GRID2: variants seen among roughly 807,000 people sequenced by gnomAD.
GRID2 encodes the protein glutamate receptor ionotropic, delta-2.
Under a neutral mutation model 114.8 loss-of-function variants are expected in GRID2, and 33 were observed. That is an observed-to-expected ratio of 0.29 (90% CI 0.22 to 0.38). The LOEUF (loss-of-function observed/expected upper bound fraction) is 0.38. Among genes scored for constraint, GRID2 ranks in the 10% least tolerant of loss-of-function variants. The pLI is 1.00. For missense variants in GRID2, 1,184 were observed against 1,257.7 expected (o/e 0.94, Z 0.89); for synonymous variants, 505 against 449.9 (o/e 1.12, Z -1.55).
At chr4:92,816,172 G>A (rs572125524) in intron 2 of GRID2, among the ~76,000 whole-genome samples, 5 of 150,876 alleles carry the variant, frequency 3.3e-5, no homozygotes, top group Admixed American at 3.3e-4. Flanking sequence ...AAAATTAGCC[G>A]GGTGTGGTGG....
intron 14 of GRID2, among the ~76,000 whole-genome samples, chr4:93,674,908 G>A (rs886290139): frequency 6.6e-6 from 1 of 151,958 alleles, no homozygotes; most frequent in Non-Finnish European, 1.5e-5. Context: ...CAGAAATACA[G>A]ATAAATAAGT....
intron 1 of GRID2, among the ~76,000 whole-genome samples, chr4:92,579,923 A>G (rs1174247323): frequency 6.8e-6 from 1 of 147,606 alleles, no homozygotes; most frequent in Non-Finnish European, 1.5e-5. Context: ...TATACTATAT[A>G]TGTATACATA....
chr4:92,972,942 C>CT (rs1262500111), intron 2 of GRID2, among the ~76,000 whole-genome samples: 4 of 152,074 alleles, frequency 2.6e-5, no homozygotes, highest in Non-Finnish European at 4.4e-5. Context: ...TGATCTCAGT[C>CT]TTTTTTATGG....
intron 8 of GRID2, among the ~76,000 whole-genome samples, chr4:93,283,065 G>A (rs1234763905): frequency 6.6e-6 from 1 of 152,016 alleles, no homozygotes. Flanking sequence ...TCACAGTTCA[G>A]CATGAGATTT....
intron 1 of GRID2, among the ~76,000 whole-genome samples, chr4:92,422,338 G>A (rs961352269): frequency 2.0e-5 from 3 of 152,122 alleles, no homozygotes; most frequent in Non-Finnish European, 4.4e-5. Flanking sequence ...CATGAAATGA[G>A]TTTGGACAGT....
At chr4:93,073,292 C>T (rs1409107205) in intron 2 of GRID2, among the ~76,000 whole-genome samples, 1 of 152,128 alleles carries the variant, frequency 6.6e-6, no homozygotes, top group African/African-American at 2.4e-5. Flanking sequence ...GCATTTCAGA[C>T]AGACAATTTA....
Position 93,234,280 on chromosome 4 carries a change from T to A in GRID2, c.1126-4091T>A, listed in dbSNP as rs116400303. Reference sequence around the variant, plus strand: ...TAAAGTAGGTAAACTGGAATAGATTTAATTTAATTCAGTTCAACATGCCCT... The same window carrying A: ...TAAAGTAGGTAAACTGGAATAGATTAAATTTAATTCAGTTCAACATGCCCT... On this transcript the variant is annotated intron_variant, in intron 7 of 15. Transcript: ENST00000282020. Among the ~76,000 whole-genome samples, 1,454 of 152,246 alleles carry A rather than the reference T, an allele frequency of 9.6e-3. 14 individuals carry two copies. Among genetic ancestry groups the A allele is most frequent in the African/African-American group, 0.033 (1,379 of 41,544 alleles).
intron 14 of GRID2, among the ~76,000 whole-genome samples, chr4:93,679,144 C>A (rs1265110507): frequency 6.6e-6 from 1 of 151,064 alleles, no homozygotes; most frequent in African/African-American, 2.5e-5. Context: ...TCTGATAAAA[C>A]AGACTTTAAA....
intron 3 of GRID2, 98 bp downstream of exon 3, chr4:93,085,377 A>T (rs1730238538): frequency 2.2e-6 from 2 of 924,100 alleles, no homozygotes; most frequent in Non-Finnish European, 3.3e-6. Context: ...ACTCATTGTT[A>T]TTTGTGGTTT....
chr4:93,613,246 C>G (rs1741166381), intron 13 of GRID2, among the ~76,000 whole-genome samples: 1 of 141,704 alleles, frequency 7.1e-6, no homozygotes, highest in South Asian at 2.3e-4. Flanking sequence ...ACTTCTTTGC[C>G]TTTGGTTTGA....
intron 2 of GRID2, among the ~76,000 whole-genome samples, chr4:92,792,543 C>T (rs1311779242): frequency 6.6e-6 from 1 of 150,956 alleles, no homozygotes; most frequent in Non-Finnish European, 1.5e-5. Flanking sequence ...AGCTTTTGTC[C>T]CCCAAAGTTG....
intron 1 of GRID2, among the ~76,000 whole-genome samples, chr4:93,791,342 G>A (rs1268090212): frequency 6.6e-6 from 1 of 152,086 alleles, no homozygotes; most frequent in Non-Finnish European, 1.5e-5. Context: ...AATATGTTTT[G>A]ATCTTAAATA....
At chr4:93,190,504 A>T (rs1490524069) in intron 4 of GRID2, among the ~76,000 whole-genome samples, 1 of 152,164 alleles carries the variant, frequency 6.6e-6, no homozygotes, top group Non-Finnish European at 1.5e-5. Context: ...CAAACAGCAA[A>T]TATTTGAGGT....
At chr4:92,890,745 C>T (rs1318241557) in intron 2 of GRID2, among the ~76,000 whole-genome samples, 1 of 152,144 alleles carries the variant, frequency 6.6e-6, no homozygotes, top group Non-Finnish European at 1.5e-5. Context: ...CCTTTTGACC[C>T]AGCAATCCCA....
chr4:92,388,247 A>T (rs1730071823), intron 1 of GRID2, among the ~76,000 whole-genome samples: 1 of 152,036 alleles, frequency 6.6e-6, no homozygotes, highest in Non-Finnish European at 1.5e-5. Flanking sequence ...TAACCTTTTT[A>T]GGTCATTGGC....
At chr4:92,892,762 A>C (rs2149471359) in intron 2 of GRID2, among the ~76,000 whole-genome samples, 1 of 152,336 alleles carries the variant, frequency 6.6e-6, no homozygotes, top group Non-Finnish European at 1.5e-5. Flanking sequence ...AAAATCATTT[A>C]ATGATAAAAT....
chr4:93,387,513 A>G (rs953785446), intron 8 of GRID2, among the ~76,000 whole-genome samples: 3 of 152,160 alleles, frequency 2.0e-5, no homozygotes, highest in Admixed American at 6.6e-5. Flanking sequence ...GTATTGAGAT[A>G]CTTACTTAAA....
Position 92,922,225 on chromosome 4 carries a change from A to G in GRID2, c.245-162770A>G, listed in dbSNP as rs552041291. Among the ~76,000 whole-genome samples the G allele has an allele frequency of 5.9e-4, 90 of 152,008 alleles. 1 individual carries two copies. The highest frequency in any genetic ancestry group is 5.7e-4 in the Non-Finnish European group (39 of 67,966). ...ACAGTATTACGATGGGAGTGACCCA[A>G]TTTTCCAGGTGCCATCGTCACCCCT... On this transcript the variant is annotated intron_variant, in intron 2 of 15. Coordinates refer to ENST00000282020, the MANE Select transcript of GRID2 (RefSeq NM_001510.4).
intron 2 of GRID2, among the ~76,000 whole-genome samples, chr4:92,778,972 A>G (rs1414168784): frequency 6.6e-6 from 1 of 152,070 alleles, no homozygotes; most frequent in South Asian, 2.1e-4. Flanking sequence ...TATCACCCTT[A>G]TACTTGGCTC....
Sources: allele counts gnomAD v4.1 joint callset (sites outside exome capture counted in the v4.1 genomes callset), GRCh38; gene constraint gnomAD v4.1.1; transcripts MANE v1.5; gene names NCBI Gene and HGNC (gene_info 2026-07-23, HGNC 2026-07-21).